The following PTPRD variants were observed in gnomAD, a reference collection of about 807,000 sequenced individuals.
PTPRD encodes the protein protein tyrosine phosphatase receptor type D.
PTPRD carries 34 observed loss-of-function variants against 214.5 expected under a neutral mutation model. The ratio of observed to expected loss-of-function variants is 0.16; its 90% CI spans 0.12 to 0.21. The LOEUF is 0.21. PTPRD is among the 10% of genes least tolerant of loss of function. The pLI, the probability that PTPRD is intolerant of heterozygous loss-of-function variation, is 1.00. For synonymous variants in PTPRD, 1,128 were observed against 845.7 expected (o/e 1.33, Z -5.79); for missense variants, 2,545 against 2,398.7 (o/e 1.06, Z -1.27).
chr9:8,557,797 C>A (rs550688475), intron 14 of PTPRD, among the ~76,000 whole-genome samples: 1 of 139,986 alleles, frequency 7.1e-6, no homozygotes, highest in Non-Finnish European at 1.5e-5. Flanking sequence ...CACACACACA[C>A]ACACACACAC....
chr9:8,384,187 C>A (rs2086161423), intron 37 of PTPRD, among the ~76,000 whole-genome samples: 1 of 152,172 alleles, frequency 6.6e-6, no homozygotes, highest in African/African-American at 2.4e-5. Context: ...GAGTGGAAAT[C>A]CCAGCTGTAT....
chr9:9,743,770 A>ACACACACACACAC (rs371763537), intron 6 of PTPRD, among the ~76,000 whole-genome samples: 3 of 145,262 alleles, frequency 2.1e-5, no homozygotes, highest in South Asian at 2.1e-4. Context: ...ACACACACAC[A>ACACACACACACAC]ATTTATACTG....
chr9:10,595,669 A>T (rs1345552019), intron 2 of PTPRD, among the ~76,000 whole-genome samples: 1 of 151,432 alleles, frequency 6.6e-6, no homozygotes, highest in African/African-American at 2.4e-5. Context: ...TTTATAATAA[A>T]AAATTAGAAT....
chr9:9,954,310 A>ACAAAC (rs1566685915), intron 4 of PTPRD, among the ~76,000 whole-genome samples: 1 of 149,992 alleles, frequency 6.7e-6, no homozygotes, highest in Non-Finnish European at 1.5e-5. Flanking sequence ...AAAAAAAAAA[A>ACAAAC]AAAAAAAAAA....
chr9:8,332,028 C>T (rs998764837), intron 43 of PTPRD, among the ~76,000 whole-genome samples: 11 of 152,136 alleles, frequency 7.2e-5, no homozygotes, highest in African/African-American at 2.4e-4. Context: ...ATAGTTCCCC[C>T]ATTAACAAAT....
intron 11 of PTPRD, among the ~76,000 whole-genome samples, chr9:8,757,369 G>A (rs1000611057): frequency 1.1e-4 from 16 of 151,936 alleles, no homozygotes; most frequent in Non-Finnish European, 2.2e-4. Context: ...AGTAAAAAGC[G>A]TATCAATAAT....
intron 5 of PTPRD, among the ~76,000 whole-genome samples, chr9:9,811,831 G>C (rs10816188): frequency 0.099 from 15,128 of 152,266 alleles, 2,275 homozygotes; most frequent in East Asian, 0.74. Context: ...AGCAGTGATA[G>C]AGTTTGAGGG....
intron 5 of PTPRD, among the ~76,000 whole-genome samples, chr9:9,921,652 CA>C (rs2082574625): frequency 6.9e-6 from 1 of 144,736 alleles, no homozygotes; most frequent in East Asian, 2.0e-4. Context: ...TTTTTTTAAA[CA>C]AAGACTGATG....
chr9:9,934,877 C>A (rs893957866), intron 5 of PTPRD, among the ~76,000 whole-genome samples: 2 of 152,076 alleles, frequency 1.3e-5, no homozygotes, highest in African/African-American at 4.8e-5. Context: ...GCTTATCAAC[C>A]ATGATCAAGA....
intron 36 of PTPRD, among the ~76,000 whole-genome samples, chr9:8,389,874 T>C (rs1037946837): frequency 2.0e-5 from 3 of 152,154 alleles, no homozygotes; most frequent in Middle Eastern, 3.2e-3. Context: ...GAAACTCATA[T>C]ATAAACTCAT....
At chr9:10,554,806 G>A (rs1164278977) in intron 2 of PTPRD, among the ~76,000 whole-genome samples, 25 of 152,012 alleles carry the variant, frequency 1.6e-4, no homozygotes, top group African/African-American at 5.3e-4. Context: ...GACTACAGGC[G>A]CCCGCCACCA....
At position 8,512,705 on chromosome 9, in the gene PTPRD, A is replaced by T. The variant is rs1285671249; in HGVS notation, c.1543+5143T>A. Among the ~76,000 whole-genome samples, 5 of 152,020 alleles carry T rather than the reference A, an allele frequency of 3.3e-5. No homozygotes were observed. In the East Asian group the frequency reaches 9.6e-4, roughly 29 times the overall value. ...TTTGAAGGCATATACTGTTAAAGGT[A>T]TATCCATATAAGTCAGATGATTTTC... On this transcript the variant is annotated intron_variant, in intron 21 of 45. Coordinates refer to ENST00000381196, the MANE Select transcript of PTPRD (RefSeq NM_002839.4).
At chr9:8,974,226 G>A (rs943306622) in intron 11 of PTPRD, among the ~76,000 whole-genome samples, 5 of 151,962 alleles carry the variant, frequency 3.3e-5, no homozygotes, top group South Asian at 2.1e-4. Flanking sequence ...ATTTTTGTAC[G>A]TAGTGAAAGG....
chr9:9,543,601 A>G (rs1454879546), intron 8 of PTPRD, among the ~76,000 whole-genome samples: 1 of 151,604 alleles, frequency 6.6e-6, no homozygotes, highest in Non-Finnish European at 1.5e-5. Flanking sequence ...ATGCAGGTAC[A>G]AATAACTTGC....
At position 10,583,476 on chromosome 9, in the gene PTPRD, G is replaced by A. The variant is rs1319383147; in HGVS notation, c.-600+28922C>T. On this transcript the variant is annotated intron_variant, in intron 2 of 45. Coordinates refer to ENST00000381196, the MANE Select transcript of PTPRD (RefSeq NM_002839.4). ...GAAGTTCTTTTTTTTTTTTTAGACGGAGTCTCGCCCTGTTGCCCAGGCTGG... is the reference window on the plus strand; with the variant it reads ...GAAGTTCTTTTTTTTTTTTTAGACGAAGTCTCGCCCTGTTGCCCAGGCTGG... Among the ~76,000 whole-genome samples, 4 of 151,034 alleles carry A rather than the reference G, an allele frequency of 2.6e-5. No individual in the cohort carries two copies. The East Asian group carries it at 7.8e-4, about 30-fold the overall frequency.
At chr9:10,558,907 C>T (rs539293492) in intron 2 of PTPRD, among the ~76,000 whole-genome samples, 7 of 152,234 alleles carry the variant, frequency 4.6e-5, no homozygotes, top group Admixed American at 1.3e-4. Context: ...TTTCACACAT[C>T]TTGTTAGGAA....
chr9:10,260,730 G>T (rs545057593), intron 3 of PTPRD, among the ~76,000 whole-genome samples: 1 of 152,020 alleles, frequency 6.6e-6, no homozygotes, highest in East Asian at 1.9e-4. Context: ...GAGCATGCAA[G>T]TTCCCATTAA....
chr9:10,487,834 CTTT>C (rs35046295), intron 2 of PTPRD, among the ~76,000 whole-genome samples: 3 of 147,376 alleles, frequency 2.0e-5, no homozygotes, highest in African/African-American at 7.5e-5. Flanking sequence ...TTTAGAAGAA[CTTT>C]TTTTTTTTTT....
intron 3 of PTPRD, among the ~76,000 whole-genome samples, chr9:10,162,652 CATAT>C (rs2099134370): frequency 6.8e-6 from 1 of 146,178 alleles, no homozygotes; most frequent in East Asian, 2.0e-4. Flanking sequence ...TATATATACA[CATAT>C]ATACATGTAT....
Sources: allele counts gnomAD v4.1 joint callset (sites outside exome capture counted in the v4.1 genomes callset), GRCh38; gene constraint gnomAD v4.1.1; transcripts MANE v1.5; gene names NCBI Gene and HGNC (gene_info 2026-07-23, HGNC 2026-07-21).